PGCKA1: variants seen among roughly 807,000 people sequenced by gnomAD.
The protein encoded by PGCKA1 is PDCD10 and GCKIII kinases associated 1.
the PGCKA1 span, chr4:37,558,099 G>C: frequency 6.6e-6 from 1 of 152,170 alleles, no homozygotes; most frequent in Non-Finnish European, 1.5e-5. Context: ...ATCTTTCCAT[G>C]CTTTGGTGAG....
At chr4:37,475,325 A>C in the PGCKA1 span, among the ~76,000 whole-genome samples, 2,555 of 152,228 alleles carry the variant, frequency 0.017, 70 homozygotes, top group African/African-American at 0.059. Context: ...CCCCAGCACA[A>C]AATTAATAAA....
chr4:37,514,074 C>A, the PGCKA1 span, among the ~76,000 whole-genome samples: 5 of 152,312 alleles, frequency 3.3e-5, no homozygotes, highest in East Asian at 3.9e-4. Flanking sequence ...ATATTGAATT[C>A]TTTCAGCACC....
At chr4:37,551,212 C>T in the PGCKA1 span, among the ~76,000 whole-genome samples, 1 of 152,186 alleles carries the variant, frequency 6.6e-6, no homozygotes, top group African/African-American at 2.4e-5. Context: ...GTGTAATTGA[C>T]ACCATTAAAC....
the PGCKA1 span, among the ~76,000 whole-genome samples, chr4:37,527,583 GC>G: frequency 6.6e-6 from 1 of 151,916 alleles, no homozygotes; most frequent in Non-Finnish European, 1.5e-5. Flanking sequence ...ACTTTGGGAG[GC>G]CGAGGTGGGC....
the PGCKA1 span, among the ~76,000 whole-genome samples, chr4:37,477,791 G>C: frequency 6.6e-6 from 1 of 151,930 alleles, no homozygotes; most frequent in Non-Finnish European, 1.5e-5. Context: ...CTTCAACCCT[G>C]GTCTTTGTTT....
chr4:37,564,200 G>T, the PGCKA1 span, among the ~76,000 whole-genome samples: 1 of 150,188 alleles, frequency 6.7e-6, no homozygotes, highest in South Asian at 2.1e-4. Context: ...CTTGGACCCG[G>T]GAGTCGGAGG....
chr4:37,554,338 C>G, the PGCKA1 span, among the ~76,000 whole-genome samples: 1 of 146,854 alleles, frequency 6.8e-6, no homozygotes, highest in African/African-American at 2.6e-5. Flanking sequence ...GCTTAAAGAT[C>G]CTTTAGAAAT....
chr4:37,550,199 A>G, the PGCKA1 span, among the ~76,000 whole-genome samples: 21 of 152,200 alleles, frequency 1.4e-4, no homozygotes, highest in Admixed American at 6.5e-5. Flanking sequence ...AAGTAAGACT[A>G]AGGACTGGTC....
the PGCKA1 span, among the ~76,000 whole-genome samples, chr4:37,469,286 G>A: frequency 6.6e-6 from 1 of 152,180 alleles, no homozygotes. Flanking sequence ...AAATGATATA[G>A]GGAGAAATTT....
the PGCKA1 span, among the ~76,000 whole-genome samples, chr4:37,586,659 C>T: frequency 6.6e-6 from 1 of 152,198 alleles, no homozygotes; most frequent in African/African-American, 2.4e-5. Context: ...CCTGTAATCC[C>T]AGCACTTTCA....
At chr4:37,485,673 C>T in the PGCKA1 span, among the ~76,000 whole-genome samples, 1 of 152,110 alleles carries the variant, frequency 6.6e-6, no homozygotes, top group African/African-American at 2.4e-5. Flanking sequence ...TCAGAATCTG[C>T]ATACTGCTTT....
chr4:37,580,282 T>C, the PGCKA1 span, among the ~76,000 whole-genome samples: 6 of 150,706 alleles, frequency 4.0e-5, no homozygotes, highest in Non-Finnish European at 5.9e-5. Flanking sequence ...CCTGGAGCTT[T>C]AGTTAGTTCT....
chr4:37,509,276 T>C, the PGCKA1 span, among the ~76,000 whole-genome samples: 33 of 104,636 alleles, frequency 3.2e-4, no homozygotes, highest in South Asian at 3.3e-4. Flanking sequence ...GCCCCCCACC[T>C]CCCAGACAGG....
chr4:37,567,564 G>A, the PGCKA1 span, among the ~76,000 whole-genome samples: 1 of 152,144 alleles, frequency 6.6e-6, no homozygotes, highest in Non-Finnish European at 1.5e-5. Context: ...TAAGTCACTC[G>A]CTTAACCACT....
the PGCKA1 span, among the ~76,000 whole-genome samples, chr4:37,478,023 A>G: frequency 6.6e-6 from 1 of 152,134 alleles, no homozygotes; most frequent in African/African-American, 2.4e-5. Context: ...TCTTTACAAA[A>G]TCGTCTCTAA....
chr4:37,540,837 A>C, the PGCKA1 span, among the ~76,000 whole-genome samples: 1 of 152,134 alleles, frequency 6.6e-6, no homozygotes. Flanking sequence ...TGGGAAACAA[A>C]CCTGACTGCA....
the PGCKA1 span, among the ~76,000 whole-genome samples, chr4:37,487,256 C>T: frequency 6.6e-6 from 1 of 152,176 alleles, no homozygotes; most frequent in African/African-American, 2.4e-5. Flanking sequence ...TTTCAAGCTA[C>T]AGAAAAGTTG....
the PGCKA1 span, among the ~76,000 whole-genome samples, chr4:37,583,524 C>G: frequency 6.6e-6 from 1 of 152,122 alleles, no homozygotes; most frequent in South Asian, 2.1e-4. Flanking sequence ...GCAAGCTCCG[C>G]CTCCCAGGTT....
chr4:37,485,228 A>G, the PGCKA1 span, among the ~76,000 whole-genome samples: 1 of 152,130 alleles, frequency 6.6e-6, no homozygotes, highest in Non-Finnish European at 1.5e-5. Flanking sequence ...TATGTTAAGG[A>G]AGGTGCTATG....
Sources: gnomAD v4.1 joint callset for allele counts (sites outside exome capture counted in the v4.1 genomes callset) on GRCh38, gnomAD v4.1.1 for gene constraint, MANE v1.5 for transcripts, NCBI Gene and HGNC (gene_info 2026-07-23, HGNC 2026-07-21) for gene names.